Variants in ACYP2 observed in about 807,000 individuals in gnomAD.
The protein encoded by ACYP2 is acylphosphatase 2.
Under a neutral mutation model 11.2 loss-of-function variants are expected in ACYP2, and 12 were observed. That is an observed-to-expected ratio of 1.08 (90% CI 0.69 to 1.74). The LOEUF (loss-of-function observed/expected upper bound fraction) is 1.74. ACYP2 is among the 40% of genes most tolerant of loss of function. ACYP2 has a pLI of 0.00. For missense variants in ACYP2, 134 were observed against 101.9 expected, an observed-to-expected ratio of 1.31 and a Z score of -1.35; for synonymous variants, 43 against 32.2, an observed-to-expected ratio of 1.33 and a Z score of -1.13.
intron 6 of ACYP2, among the ~76,000 whole-genome samples, chr2:54,206,708 C>A (rs903350644): frequency 6.6e-6 from 1 of 152,214 alleles, no homozygotes; most frequent in Non-Finnish European, 1.5e-5. Context: ...AATTCACCTA[C>A]TGGCTCCAAA....
chr2:54,222,597 T>C (rs1362376051), intron 6 of ACYP2, among the ~76,000 whole-genome samples: 3 of 151,956 alleles, frequency 2.0e-5, no homozygotes, highest in Non-Finnish European at 4.4e-5. Flanking sequence ...TAACATTTGT[T>C]GGTGTGTTAT....
At chr2:54,270,112 C>T (rs932259263) in intron 6 of ACYP2, among the ~76,000 whole-genome samples, 1 of 152,028 alleles carries the variant, frequency 6.6e-6, no homozygotes, top group Non-Finnish European at 1.5e-5. Flanking sequence ...TGGATAAGTC[C>T]TTAATTTGTT....
At chr2:54,212,118 T>C (rs528819454) in intron 6 of ACYP2, among the ~76,000 whole-genome samples, 30 of 152,216 alleles carry the variant, frequency 2.0e-4, no homozygotes, top group Non-Finnish European at 2.4e-4. Flanking sequence ...TGTTAGTTTT[T>C]TAGCAGAGGC....
At chr2:54,150,119 G>A (rs142353931) in intron 6 of ACYP2, among the ~76,000 whole-genome samples, 50 of 152,238 alleles carry the variant, frequency 3.3e-4, no homozygotes, top group African/African-American at 7.9e-4. Flanking sequence ...GGCAACCCAC[G>A]GCCTGTTTTG....
intron 2 of ACYP2, among the ~76,000 whole-genome samples, chr2:53,997,326 G>T (rs1672618276): frequency 6.6e-6 from 1 of 151,844 alleles, no homozygotes; most frequent in Admixed American, 6.6e-5. Context: ...TGTTTTTTGA[G>T]ACAGAGTTTT....
chr2:54,134,392 T>C (rs1037555107), intron 4 of ACYP2, among the ~76,000 whole-genome samples: 1 of 152,194 alleles, frequency 6.6e-6, no homozygotes, highest in Non-Finnish European at 1.5e-5. Flanking sequence ...ATAAGTTTCA[T>C]TGGTTCTATA....
intron 6 of ACYP2, among the ~76,000 whole-genome samples, chr2:54,266,221 G>T (rs1328336744): frequency 6.6e-6 from 1 of 152,146 alleles, no homozygotes; most frequent in Non-Finnish European, 1.5e-5. Context: ...TGTGAATATT[G>T]ATACAAAAAT....
At chr2:54,009,147 C>T (rs1283727138) in intron 2 of ACYP2, among the ~76,000 whole-genome samples, 2 of 146,194 alleles carry the variant, frequency 1.4e-5, no homozygotes, top group African/African-American at 5.2e-5. Context: ...AGCAAGACTC[C>T]ATCTCAAAAA....
chr2:54,121,610 A>G (rs1166885597), intron 4 of ACYP2, among the ~76,000 whole-genome samples: 1 of 152,260 alleles, frequency 6.6e-6, no homozygotes, highest in African/African-American at 2.4e-5. Flanking sequence ...AGACAAGTAA[A>G]TGGAAAAGCT....
chr2:54,171,256 T>G (rs761149630), intron 6 of ACYP2, among the ~76,000 whole-genome samples: 41 of 152,134 alleles, frequency 2.7e-4, no homozygotes, highest in Non-Finnish European at 4.6e-4. Flanking sequence ...CCTTTTAATC[T>G]CATAAAACTA....
At chr2:54,115,495 T>C (rs1228697519) in intron 4 of ACYP2, 120 bp from the exon 1 acceptor site, 28 of 1,410,922 alleles carry the variant, frequency 2.0e-5, no homozygotes, top group Non-Finnish European at 2.4e-5. Context: ...TCTTCCCTCC[T>C]GGCGTCCCCG....
At chr2:54,257,746 TAGAC>T (rs1192479694) in intron 6 of ACYP2, among the ~76,000 whole-genome samples, 4 of 152,330 alleles carry the variant, frequency 2.6e-5, no homozygotes, top group East Asian at 1.9e-4. Context: ...GACAGGATGT[TAGAC>T]AGCTTTATGC....
At chr2:54,150,913 T>C (rs995580308) in intron 6 of ACYP2, among the ~76,000 whole-genome samples, 3 of 151,256 alleles carry the variant, frequency 2.0e-5, no homozygotes, top group African/African-American at 7.3e-5. Context: ...GGCTAATTTT[T>C]TGTATTTTTA....
At chr2:54,164,058 G>A (rs1682846063) in intron 6 of ACYP2, among the ~76,000 whole-genome samples, 1 of 152,182 alleles carries the variant, frequency 6.6e-6, no homozygotes, top group Non-Finnish European at 1.5e-5. Context: ...GTAAAGAAGC[G>A]TGGTAGAATT....
chr2:54,230,211 C>T (rs1455383753), intron 6 of ACYP2, among the ~76,000 whole-genome samples: 1 of 152,104 alleles, frequency 6.6e-6, no homozygotes, highest in African/African-American at 2.4e-5. Context: ...TTTCCAGATA[C>T]AGGAGTTAAT....
intron 6 of ACYP2, among the ~76,000 whole-genome samples, chr2:54,300,350 A>G (rs377351854): frequency 7.4e-4 from 113 of 152,352 alleles, no homozygotes; most frequent in African/African-American, 2.6e-3. Context: ...GAAGCCAGGA[A>G]TGCTGCTGGA....
intron 4 of ACYP2, among the ~76,000 whole-genome samples, chr2:54,089,363 A>G (rs1302633348): frequency 6.6e-6 from 1 of 152,232 alleles, no homozygotes; most frequent in Admixed American, 6.5e-5. Flanking sequence ...AGGCCAAGAC[A>G]GGAGAGGAGA....
rs565299788 is a variant in ACYP2, at chr2:54,115,654, C to T, written c.278-19799C>T. On this transcript the variant is annotated intron_variant, in intron 4 of 6. Coordinates refer to ENST00000607452, the MANE Select transcript of ACYP2 (RefSeq NM_001320586.2). ...TCTCGCAGCCGCCGCAGTCGCTGCGCCCCGAGCCCCTCTCCGGCTCCTCAA... is the reference window on the plus strand; with the variant it reads ...TCTCGCAGCCGCCGCAGTCGCTGCGTCCCGAGCCCCTCTCCGGCTCCTCAA... 5.0e-6 allele frequency: 8 copies of T among 1,595,880 alleles called. No homozygotes were observed. The South Asian group carries it at 5.7e-5, about 11-fold the overall frequency.
chr2:53,983,706 A>G (rs142259042), intron 2 of ACYP2, among the ~76,000 whole-genome samples: 1 of 152,276 alleles, frequency 6.6e-6, no homozygotes, highest in East Asian at 1.9e-4. Flanking sequence ...CTTCAGATAT[A>G]TCAATACAGT....
Sources: allele counts gnomAD v4.1 joint callset (sites outside exome capture counted in the v4.1 genomes callset), GRCh38; gene constraint gnomAD v4.1.1; transcripts MANE v1.5; gene names NCBI Gene and HGNC (gene_info 2026-07-23, HGNC 2026-07-21).